The following CCDC14 variants were observed in gnomAD, a reference collection of about 807,000 sequenced individuals.
CCDC14 encodes coiled-coil domain-containing protein 14.
In CCDC14, 71 loss-of-function variants were observed where a neutral mutation model predicts 81.4. That is an observed-to-expected ratio of 0.87 (90% CI 0.72 to 1.06). The LOEUF is 1.06. Ranked by LOEUF, CCDC14 falls within the 50% of genes least tolerant of loss-of-function variation. CCDC14 has a pLI of 0.00. For synonymous variants in CCDC14, 332 were observed against 364.8 expected (o/e 0.91, Z 1.03); for missense variants, 1,046 against 1,047.3 (o/e 1.00, Z 0.02).
intron 10 of CCDC14, among the ~76,000 whole-genome samples, chr3:123,932,110 T>A (rs1228243893): frequency 6.6e-6 from 1 of 152,178 alleles, no homozygotes; most frequent in East Asian, 1.9e-4. Context: ...ATGCTTCCTA[T>A]GTGTGAGGTA....
At chr3:123,933,360 C>G (rs915280822) in intron 10 of CCDC14, among the ~76,000 whole-genome samples, 1 of 152,098 alleles carries the variant, frequency 6.6e-6, no homozygotes, top group Non-Finnish European at 1.5e-5. Flanking sequence ...AAAGTATGTA[C>G]AGTGTGATCT....
At chr3:123,887,616 G>A in the CCDC14 span, among the ~76,000 whole-genome samples, 2 of 152,092 alleles carry the variant, frequency 1.3e-5, no homozygotes. Context: ...GTTTGTAGAC[G>A]GCACCTTCTC....
intron 12 of CCDC14, among the ~76,000 whole-genome samples, chr3:123,919,215 A>C (rs2034897136): frequency 6.6e-6 from 1 of 152,190 alleles, no homozygotes; most frequent in African/African-American, 2.4e-5. Flanking sequence ...TAGTTTCCTG[A>C]GGCCAGGAGG....
chr3:123,938,281 G>C (rs573522593), intron 9 of CCDC14, among the ~76,000 whole-genome samples: 1 of 151,768 alleles, frequency 6.6e-6, no homozygotes, highest in Non-Finnish European at 1.5e-5. Context: ...CACTTATACT[G>C]ATCTTTAATT....
At position 123,913,948 on chromosome 3, in the gene CCDC14, C is replaced by T. The variant is rs2034519525; in HGVS notation, c.*831G>A. 2.0e-6 allele frequency: 2 copies of T among 985,116 alleles called. No homozygotes were observed. Among genetic ancestry groups the T allele is most frequent in the South Asian group, 9.4e-5 (2 of 21,270 alleles). The allele number at this position is 985,116 out of a possible 1,614,324, so 61.0% of individuals were successfully genotyped here. On this transcript the variant is annotated 3_prime_UTR_variant, in exon 13 of 13. Coordinates refer to ENST00000409697, the MANE Select transcript of CCDC14 (RefSeq NM_001366335.1). ...TTATTTATAAAATAGAGAATATTCT[C>T]AGCTAACATGCTGGGAGAAAAAATT...
At chr3:123,906,451 A>C in intron 5 of CCDC14, among the ~76,000 whole-genome samples, 1 of 151,810 alleles carries the variant, frequency 6.6e-6, no homozygotes, top group East Asian at 1.9e-4. Flanking sequence ...GGAGACATGA[A>C]AGTTTCAAAT....
At chr3:123,894,226 G>A (rs1239000694), downstream of CCDC14, among the ~76,000 whole-genome samples, 1 of 152,098 alleles carries the variant, frequency 6.6e-6, no homozygotes, top group Non-Finnish European at 1.5e-5. Flanking sequence ...AAAGACTGTT[G>A]TTTACCCATT....
chr3:123,947,907 C>CA (rs2036750993), intron 7 of CCDC14, among the ~76,000 whole-genome samples: 1 of 151,624 alleles, frequency 6.6e-6, no homozygotes, highest in Admixed American at 6.6e-5. Context: ...ATGGTATATC[C>CA]AAAAAATACA....
At chr3:123,906,326 T>C (rs1027314700) in intron 5 of CCDC14, among the ~76,000 whole-genome samples, 3 of 147,588 alleles carry the variant, frequency 2.0e-5, no homozygotes, top group Non-Finnish European at 4.5e-5. Context: ...CGAGACTCCA[T>C]CTCCAAAAAT....
intron 12 of CCDC14, chr3:123,930,901 T>C (rs2035662667): frequency 5.8e-6 from 3 of 516,418 alleles, no homozygotes; most frequent in South Asian, 6.9e-5. Context: ...CACATGGTTT[T>C]AAAAAAACAT....
intron 9 of CCDC14, among the ~76,000 whole-genome samples, chr3:123,943,855 T>C (rs1360532811): frequency 6.6e-6 from 1 of 152,156 alleles, no homozygotes. Context: ...GCCCTCTGCA[T>C]CTCTTCATCT....
downstream of CCDC14, among the ~76,000 whole-genome samples, chr3:123,911,222 A>T (rs1305369001): frequency 6.6e-6 from 1 of 152,188 alleles, no homozygotes. Flanking sequence ...AGATCTTATC[A>T]TCTCTGGTAA....
At chr3:123,946,520 A>G (rs2036633671) in intron 8 of CCDC14, among the ~76,000 whole-genome samples, 1 of 152,026 alleles carries the variant, frequency 6.6e-6, no homozygotes, top group South Asian at 2.1e-4. Context: ...ATCTGTCCAA[A>G]TTCTCTTTGG....
At chr3:123,910,648 T>C (rs2700370), downstream of CCDC14, among the ~76,000 whole-genome samples, 22,737 of 151,728 alleles carry the variant, frequency 0.15, 3,027 homozygotes, top group East Asian at 0.36. Context: ...GTGCAAATGT[T>C]TGCCAGTAAG....
chr3:123,907,232 A>G (rs2034332350), intron 5 of CCDC14, among the ~76,000 whole-genome samples: 1 of 152,196 alleles, frequency 6.6e-6, no homozygotes, highest in South Asian at 2.1e-4. Context: ...TTCTTAGATC[A>G]GCTATTTGCA....
chr3:123,887,760 A>G, the CCDC14 span, among the ~76,000 whole-genome samples: 8 of 152,312 alleles, frequency 5.3e-5, 1 homozygote, highest in South Asian at 1.7e-3. Flanking sequence ...AAATACATAT[A>G]TTTTGTTAAT....
At chr3:123,938,022 A>G (rs1202628716) in intron 9 of CCDC14, among the ~76,000 whole-genome samples, 2 of 151,918 alleles carry the variant, frequency 1.3e-5, no homozygotes, top group Non-Finnish European at 2.9e-5. Flanking sequence ...TGTCACCTTT[A>G]CACCACACCT....
downstream of CCDC14, among the ~76,000 whole-genome samples, chr3:123,894,791 G>A (rs566126597): frequency 2.0e-5 from 3 of 152,124 alleles, no homozygotes; most frequent in South Asian, 4.2e-4. Context: ...TTGTAAGTTG[G>A]TTTGTATCAT....
At position 123,915,564 on chromosome 3, in the gene CCDC14, A is replaced by G. The variant is rs1416260615; in HGVS notation, c.1933T>C (p.Tyr645His). Residue 645 changes from tyrosine to histidine, a missense_variant, in exon 13 of 13, where the codon TAT becomes CAT. Coordinates refer to ENST00000409697, the MANE Select transcript of CCDC14 (RefSeq NM_001366335.1). ...TAATTTGTTTCTAACTTATTTAGATAGCTCATTATGGAAGTGTGAGCAGGA... is the reference window on the plus strand; with the variant it reads ...TAATTTGTTTCTAACTTATTTAGATGGCTCATTATGGAAGTGTGAGCAGGA... ...PAPAHTSIMS[Y>H]LNKLETNYSF... 10 of 1,613,884 alleles carry G rather than the reference A, an allele frequency of 6.2e-6. No individual in the cohort carries two copies. Among genetic ancestry groups the G allele is most frequent in the Non-Finnish European group, 7.6e-6 (9 of 1,179,894 alleles).
Sources: allele counts gnomAD v4.1 joint callset (sites outside exome capture counted in the v4.1 genomes callset), GRCh38; gene constraint gnomAD v4.1.1; transcripts MANE v1.5; gene names NCBI Gene and HGNC (gene_info 2026-07-23, HGNC 2026-07-21).